Variants in PCK2 observed in about 807,000 individuals in gnomAD.
The protein encoded by PCK2 is phosphoenolpyruvate carboxykinase [GTP], mitochondrial.
In PCK2, 56 loss-of-function variants were observed where a neutral mutation model predicts 65.9. The observed-to-expected ratio is 0.85, with a 90% CI of 0.69 to 1.06. The LOEUF is 1.06. Among genes scored for constraint, PCK2 ranks in the 50% least tolerant of loss-of-function variants. The pLI is 0.00. For synonymous variants in PCK2, 305 were observed against 319.6 expected (o/e 0.95, Z 0.49); for missense variants, 843 against 863.1 (o/e 0.98, Z 0.29).
chr14:24,099,231 A>G lies in PCK2; in HGVS notation c.847A>G (p.Met283Val). The change falls in exon 5 of 10, where the codon ATG becomes GTG. Residue 283 changes from methionine to valine, a missense_variant. Met to Val is a conservative substitution (Grantham distance 21, BLOSUM62 1). Coordinates refer to ENST00000216780, the MANE Select transcript of PCK2 (RefSeq NM_004563.4). ...ARDEGWLAEH[M>V]LILGITSPAG... ...GGATGAGGGCTGGCTGGCAGAGCAC[A>G]TGCTGGTGAGGGCCTGGTGAGAAGC... 6.3e-7 allele frequency: 1 copy of G among 1,592,950 alleles called. No individual in the cohort carries two copies. Among genetic ancestry groups the G allele is most frequent in the Non-Finnish European group, 8.5e-7 (1 of 1,172,802 alleles).
Position 24,097,059 on chromosome 14 carries a change from C to A in PCK2, c.197C>A (p.Thr66Asn). Residue 66 changes from threonine (T) to asparagine (N), a missense_variant, in exon 2 of 10, where the codon ACT (threonine) becomes AAT (asparagine). Thr to Asn is a moderately conservative substitution (Grantham distance 65, BLOSUM62 0). Coordinates refer to ENST00000216780, the MANE Select transcript of PCK2 (RefSeq NM_004563.4). ...QPEGIHICDG[T>N]EAENTATLTL... ...GAGGGCATCCACATCTGTGATGGAA[C>A]TGAGGCTGAGAATACTGCCACACTG... is the stretch of plus-strand genomic sequence containing the variant. 1 of 1,613,510 alleles carries A rather than the reference C, an allele frequency of 6.2e-7. No homozygotes were observed. Among genetic ancestry groups the A allele is most frequent in the Non-Finnish European group, 8.5e-7 (1 of 1,179,618 alleles).
upstream of PCK2, chr14:24,094,272 G>GC (rs981240371): frequency 2.1e-4 from 177 of 837,556 alleles, no homozygotes; most frequent in African/African-American, 2.5e-3. This position sits in a 1 kb window ranked among gnomAD's most constrained non-coding sequence, Gnocchi z 4.1. Context: ...CCCCGCGCCT[G>GC]CCCCCCTCCT....
Position 24,103,208 on chromosome 14 carries a change from T to A in PCK2, c.1421T>A (p.Val474Glu). The change falls in exon 9 of 10, where the codon GTG (valine) becomes GAG (glutamate). Residue 474 changes from valine (V) to glutamate (E), a missense_variant. By Grantham distance (121) the Val-to-Glu change is moderately radical (BLOSUM62 -2). Coordinates refer to ENST00000216780, the MANE Select transcript of PCK2 (RefSeq NM_004563.4). ...EAFNWRHGVF[V>E]GSAMRSESTA... is the part of the protein sequence containing the mutation. ...TTCAACTGGCGTCATGGGGTGTTTG[T>A]GGGCAGCGCCATGCGCTCTGAGTCC... 1.2e-6 allele frequency: 2 copies of A among 1,614,142 alleles called. No homozygotes were observed. The highest frequency in any genetic ancestry group is 1.7e-6 in the Non-Finnish European group (2 of 1,179,980).
chr14:24,103,384 CT>C, intron 9 of PCK2, 125 bp from the exon 10 acceptor site: 1 of 1,161,584 alleles, frequency 8.6e-7, no homozygotes, highest in Non-Finnish European at 1.3e-6. Context: ...CCACTTCTAT[CT>C]TTTCCCCATC....
At chr14:24,096,830 A>G in intron 1 of PCK2, 62 bp from the exon 2 acceptor site, 1 of 1,493,906 alleles carries the variant, frequency 6.7e-7, no homozygotes, top group Admixed American at 1.7e-5. Context: ...CTGTCTCTCC[A>G]CCACCTGCCT....
At position 24,103,524 on chromosome 14, in the gene PCK2, C is replaced by G. The variant is rs748953811; in HGVS notation, c.1483C>G (p.His495Asp). 2 of 1,554,200 alleles carry G rather than the reference C, an allele frequency of 1.3e-6. No individual in the cohort carries two copies. The highest frequency in any genetic ancestry group is 1.4e-5 in the African/African-American group (1 of 73,306). The change falls in exon 10 of 10, where the codon CAC (histidine) becomes GAC (aspartate). Residue 495 changes from histidine to aspartate, a missense_variant. Coordinates refer to ENST00000216780, the MANE Select transcript of PCK2 (RefSeq NM_004563.4). ...TTCCCCCCCAGGGAAGATCATCATG[C>G]ACGACCCATTTGCCATGCGGCCCTT... ...AAEHKGKIIM[H>D]DPFAMRPFFG...
At chr14:24,095,817 G>A (rs2036847983) in intron 1 of PCK2, among the ~76,000 whole-genome samples, 1 of 152,216 alleles carries the variant, frequency 6.6e-6, no homozygotes, top group African/African-American at 2.4e-5. Context: ...GACCTCCTGA[G>A]AATTAAGCCC....
At position 24,103,195 on chromosome 14, in the gene PCK2, C is replaced by A. The variant is rs755368856; in HGVS notation, c.1408C>A (p.His470Asn). ...GGTATACGAGGCCTTCAACTGGCGT[C>A]ATGGGGTGTTTGTGGGCAGCGCCAT... ...PLVYEAFNWR[H>N]GVFVGSAMRS... Residue 470 changes from histidine to asparagine, a missense_variant, in exon 9 of 10, where the codon CAT becomes AAT. Physicochemically the swap from His to Asn is moderately conservative, Grantham distance 68. Transcript: ENST00000216780. 21 of 1,614,002 alleles carry A rather than the reference C, an allele frequency of 1.3e-5. No homozygotes were observed. The highest frequency in any genetic ancestry group is 1.1e-5 in the Non-Finnish European group (13 of 1,179,948).
Position 24,099,218 on chromosome 14 carries a change from G to A in PCK2, c.834G>A (p.Trp278Ter). ...CTCGGCTGGCCCGGGATGAGGGCTG[G>A]CTGGCAGAGCACATGCTGGTGAGGG... ...IASRLARDEG[W>*]LAEHMLILGI... Residue 278 changes from tryptophan to a stop codon, truncating the protein, a stop_gained, in exon 5 of 10, where the codon TGG (tryptophan) becomes TGA (stop). Transcript: ENST00000216780. LOFTEE classifies it high-confidence loss of function. The A allele has an allele frequency of 6.3e-7, 1 of 1,597,046 alleles. No individual in the cohort carries two copies. Among genetic ancestry groups the A allele is most frequent in the African/African-American group, 1.3e-5 (1 of 74,938 alleles).
chr14:24,094,917 C>A lies in PCK2; in HGVS notation c.29+483C>A. The A allele has an allele frequency of 8.7e-7, 1 of 1,144,360 alleles. No homozygotes were observed. The highest frequency in any genetic ancestry group is 1.3e-5 in the South Asian group (1 of 77,098). The allele number at this position is 1,144,360 out of a possible 1,614,324, so 70.9% of individuals were successfully genotyped here. On this transcript the variant is annotated intron_variant, in intron 1 of 9. Coordinates refer to ENST00000216780, the MANE Select transcript of PCK2 (RefSeq NM_004563.4). This position sits in a 1 kb window ranked among gnomAD's most constrained non-coding sequence, Gnocchi z 4.1. ...GGAAGGTTAAATATCCATTCCCGGCCTCTCCCGGACTGGAAGGACTGGAAC... is the reference window on the plus strand; with the variant it reads ...GGAAGGTTAAATATCCATTCCCGGCATCTCCCGGACTGGAAGGACTGGAAC...
At chr14:24,101,766 C>T (rs1175334482) in intron 7 of PCK2, among the ~76,000 whole-genome samples, 3 of 151,914 alleles carry the variant, frequency 2.0e-5, no homozygotes, top group Non-Finnish European at 4.4e-5. Flanking sequence ...CAATAAAATA[C>T]AAAAATTAGC....
At chr14:24,102,653 A>G in intron 7 of PCK2, 100 bp from the exon 8 acceptor site, 1 of 486,196 alleles carries the variant, frequency 2.1e-6, no homozygotes, top group Non-Finnish European at 3.0e-6. Context: ...TGATGAGGCA[A>G]AAAAAAAAAA....
At chr14:24,096,049 T>C (rs1278910109) in intron 1 of PCK2, among the ~76,000 whole-genome samples, 1 of 152,082 alleles carries the variant, frequency 6.6e-6, no homozygotes, top group Non-Finnish European at 1.5e-5. Context: ...GGGGCTTTCA[T>C]AGTCTTACAG....
Position 24,094,385 on chromosome 14 carries a change from C to T in PCK2, c.-21C>T. The T allele has an allele frequency of 6.5e-7, 1 of 1,549,122 alleles. No individual in the cohort carries two copies. Among genetic ancestry groups the T allele is most frequent in the East Asian group, 2.5e-5 (1 of 40,410 alleles). On this transcript the variant is annotated 5_prime_UTR_variant, in exon 1 of 10. Transcript: ENST00000216780. The surrounding 1 kb of genome is among the most constrained non-coding windows in gnomAD (Gnocchi z 4.1). ...GGCTCCGCTCGGTTCCTGGCCACCC[C>T]GCAGCCCCTGCCCAGGTGCCATGGC... is the stretch of plus-strand genomic sequence containing the variant.
Position 24,097,038 on chromosome 14 carries a change from G to T in PCK2, c.176G>T (p.Gly59Val), listed in dbSNP as rs1218850681. ...AGTGCCCGCCTGTGCCAACCAGAGGGCATCCACATCTGTGATGGAACTGAG... is the reference window on the plus strand; with the variant it reads ...AGTGCCCGCCTGTGCCAACCAGAGGTCATCCACATCTGTGATGGAACTGAG... ...EHSARLCQPE[G>V]IHICDGTEAE... The change falls in exon 2 of 10, where the codon GGC becomes GTC. Residue 59 changes from glycine (G) to valine (V), a missense_variant. Coordinates refer to ENST00000216780, the MANE Select transcript of PCK2 (RefSeq NM_004563.4). 1.2e-6 allele frequency: 2 copies of T among 1,613,370 alleles called. No homozygotes were observed. Among genetic ancestry groups the T allele is most frequent in the East Asian group, 2.2e-5 (1 of 44,874 alleles).
At position 24,104,082 on chromosome 14, in the gene PCK2, TC is replaced by T. The variant is rs1457792350; in HGVS notation, c.*121del. ...AACATCTTCAATGTGCCATAGACCT[TC>T]CCACAAAGACTGTCCAATAATAAGA... On this transcript the variant is annotated 3_prime_UTR_variant, in exon 10 of 10. Transcript: ENST00000216780. 7 of 681,714 alleles carry T rather than the reference TC, an allele frequency of 1.0e-5. No individual in the cohort carries two copies. The highest frequency in any genetic ancestry group is 1.8e-5 in the Non-Finnish European group (7 of 387,406). The allele number at this position is 681,714 out of a possible 1,614,324, so 42.2% of individuals were successfully genotyped here.
Position 24,099,655 on chromosome 14 carries a change from C to T in PCK2, c.950C>T (p.Ala317Val). ...ACCAACCTGGCTATGATGCGGCCTG[C>T]ACTGCCAGGCTGGAAAGTGGAGTGT... ...GKTNLAMMRP[A>V]LPGWKVECVG... Residue 317 changes from alanine (A) to valine (V), a missense_variant, in exon 6 of 10, where the codon GCA becomes GTA. By Grantham distance (64) the Ala-to-Val change is moderately conservative. Coordinates refer to ENST00000216780, the MANE Select transcript of PCK2 (RefSeq NM_004563.4). 6.2e-7 allele frequency: 1 copy of T among 1,613,984 alleles called. No individual in the cohort carries two copies. The highest frequency in any genetic ancestry group is 8.5e-7 in the Non-Finnish European group (1 of 1,179,832).
In PCK2 at chr14:24,100,132, G is replaced by T. The variant is rs1413755903; in HGVS notation, c.1153G>T (p.Gly385Cys). Reference sequence around the variant, plus strand: ...CAATGTGGCTGAGACCAGTGATGGTGGCGTGTACTGGGAGGGCATTGACCA... The same window carrying T: ...CAATGTGGCTGAGACCAGTGATGGTTGCGTGTACTGGGAGGGCATTGACCA... The part of the protein sequence containing the change: ...FTNVAETSDG[G>C]VYWEGIDQPL... Residue 385 changes from glycine (G) to cysteine (C), a missense_variant, in exon 7 of 10, where the codon GGC becomes TGC. Coordinates refer to ENST00000216780, the MANE Select transcript of PCK2 (RefSeq NM_004563.4). 6.2e-7 allele frequency: 1 copy of T among 1,613,716 alleles called. No homozygotes were observed. The highest frequency in any genetic ancestry group is 1.7e-5 in the Admixed American group (1 of 59,994).
chr14:24,096,402 C>G (rs1389616047), intron 1 of PCK2, among the ~76,000 whole-genome samples: 1 of 151,982 alleles, frequency 6.6e-6, no homozygotes, highest in Non-Finnish European at 1.5e-5. Context: ...CCACATCCGG[C>G]TAATTTTTAT....
Sources: gnomAD v4.1 joint callset for allele counts (sites outside exome capture counted in the v4.1 genomes callset) on GRCh38, gnomAD v4.1.1 for gene constraint, Gnocchi (gnomAD v3.1) non-coding constraint, MANE v1.5 for transcripts, NCBI Gene and HGNC (gene_info 2026-07-23, HGNC 2026-07-21) for gene names.